Variants in PPFIA2 observed in about 807,000 individuals in gnomAD.
PPFIA2 encodes PPFI scaffold protein A2.
A neutral mutation model predicts 175.5 loss-of-function variants in PPFIA2; 46 were observed. The observed-to-expected ratio is 0.26, with a 90% confidence interval of 0.21 to 0.34. The LOEUF (loss-of-function observed/expected upper bound fraction) is 0.34, where lower values mean the gene tolerates loss of function less well. Among genes scored for constraint, PPFIA2 ranks in the 10% least tolerant of loss-of-function variants. The probability of loss-of-function intolerance (pLI) is 1.00; values close to 1 mark genes in which losing one functional copy is unlikely to be tolerated. For synonymous variants in PPFIA2, 568 were observed against 511.4 expected (o/e 1.11, Z -1.49); for missense variants, 1,179 against 1,506.1 (o/e 0.78, Z 3.60).
intron 4 of PPFIA2, among the ~76,000 whole-genome samples, chr12:81,520,000 GTC>G (rs1024877192): frequency 6.6e-6 from 1 of 152,140 alleles, no homozygotes; most frequent in Non-Finnish European, 1.5e-5. Context: ...TGTGGATGTG[GTC>G]TCTCTCTCAA....
Position 81,344,704 on chromosome 12 carries a change from C to T in PPFIA2, c.2233-11G>A, listed in dbSNP as rs751657859. ...CCTCAGATCACTTGGCTGTGATTGG[C>T]AGTAATAAAAACATAAAACACAATT... is the stretch of plus-strand genomic sequence containing the variant. On this transcript the variant is annotated splice_polypyrimidine_tract_variant and intron_variant, in intron 18 of 32. Transcript: ENST00000549396. 6.5e-7 allele frequency: 1 copy of T among 1,542,972 alleles called. No individual in the cohort carries two copies. Among genetic ancestry groups the T allele is most frequent in the Non-Finnish European group, 8.8e-7 (1 of 1,136,984 alleles).
intron 7 of PPFIA2, among the ~76,000 whole-genome samples, chr12:81,406,879 C>A (rs944488557): frequency 1.3e-5 from 2 of 151,962 alleles, no homozygotes; most frequent in African/African-American, 4.8e-5. Context: ...TGTCACAAGA[C>A]GAATAATCAT....
chr12:81,301,415 C>A lies in PPFIA2; in HGVS notation c.2643-2033G>T, dbSNP rs374248845. Among the ~76,000 whole-genome samples the A allele has an allele frequency of 2.2e-4, 33 of 152,168 alleles. No homozygotes were observed. In the East Asian group the frequency reaches 3.3e-3, roughly 15 times the overall value. On this transcript the variant is annotated intron_variant, in intron 22 of 32. Transcript: ENST00000549396. Reference sequence around the variant, plus strand: ...ATATGCACTAATAACCTAAGGAGCACGTAACATTTTCAGAAGTGTATTCTA... The same window carrying A: ...ATATGCACTAATAACCTAAGGAGCAAGTAACATTTTCAGAAGTGTATTCTA...
At chr12:81,705,280 C>T (rs1003145801) in intron 3 of PPFIA2, among the ~76,000 whole-genome samples, 4 of 149,288 alleles carry the variant, frequency 2.7e-5, no homozygotes, top group Non-Finnish European at 5.9e-5. Flanking sequence ...CGGTGAAACC[C>T]CATCTCTACT....
chr12:81,521,330 A>T (rs1010095974), intron 4 of PPFIA2, among the ~76,000 whole-genome samples: 2 of 152,112 alleles, frequency 1.3e-5, no homozygotes, highest in African/African-American at 4.8e-5. Context: ...CGTGAGTGAT[A>T]ACTTGACGTA....
At chr12:81,386,448 A>C (rs894063186) in intron 8 of PPFIA2, among the ~76,000 whole-genome samples, 2 of 151,298 alleles carry the variant, frequency 1.3e-5, no homozygotes, top group Non-Finnish European at 2.9e-5. Context: ...ACATGGGGAG[A>C]CTCCAACTCT....
At position 81,692,722 on chromosome 12, in the gene PPFIA2, T is replaced by C. The variant is rs528648466; in HGVS notation, c.250-15878A>G. Among the ~76,000 whole-genome samples, 3 of 152,226 alleles carry C rather than the reference T, an allele frequency of 2.0e-5. No individual in the cohort carries two copies. The South Asian group carries it at 6.2e-4, about 32-fold the overall frequency. The stretch of plus-strand genomic sequence containing the variant: ...TGATTGATGTTGACAACTATCAATA[T>C]GAATCATAAAATTGTACACATAACT... On this transcript the variant is annotated intron_variant, in intron 3 of 32. Transcript: ENST00000549396.
At chr12:81,720,813 T>A (rs1347788675) in intron 3 of PPFIA2, among the ~76,000 whole-genome samples, 1 of 151,412 alleles carries the variant, frequency 6.6e-6, no homozygotes, top group East Asian at 1.9e-4. Flanking sequence ...ATACACTTAA[T>A]AAATTTTTTT....
chr12:81,265,709 C>T (rs1272248000), intron 30 of PPFIA2, among the ~76,000 whole-genome samples: 1 of 152,166 alleles, frequency 6.6e-6, no homozygotes, highest in Non-Finnish European at 1.5e-5. Flanking sequence ...AGTCGCATCT[C>T]GTTTAATTGG....
chr12:81,360,877 AT>A (rs2029867862), intron 15 of PPFIA2, among the ~76,000 whole-genome samples: 1 of 151,618 alleles, frequency 6.6e-6, no homozygotes, highest in African/African-American at 2.4e-5. Flanking sequence ...TGCTTGTCTT[AT>A]TTTATCTGCA....
intron 11 of PPFIA2, among the ~76,000 whole-genome samples, chr12:81,373,745 G>C (rs2035730563): frequency 6.6e-6 from 1 of 151,938 alleles, no homozygotes; most frequent in Non-Finnish European, 1.5e-5. Context: ...CTACTTCATT[G>C]CTGCATCAAT....
intron 4 of PPFIA2, among the ~76,000 whole-genome samples, chr12:81,669,054 A>G (rs2070912334): frequency 6.6e-6 from 1 of 152,008 alleles, no homozygotes; most frequent in Non-Finnish European, 1.5e-5. Flanking sequence ...TTCTATTCCA[A>G]TGATGTTAAA....
intron 4 of PPFIA2, among the ~76,000 whole-genome samples, chr12:81,563,356 T>G (rs1328453862): frequency 2.6e-5 from 4 of 152,236 alleles, no homozygotes; most frequent in African/African-American, 7.2e-5. Flanking sequence ...TCTGTTCTAC[T>G]GTCTTAGATT....
intron 4 of PPFIA2, among the ~76,000 whole-genome samples, chr12:81,666,460 A>C (rs1287307730): frequency 2.6e-5 from 4 of 152,206 alleles, no homozygotes; most frequent in Non-Finnish European, 5.9e-5. Context: ...TGTCCTTTGT[A>C]GGGACACGGA....
At chr12:81,605,042 T>TG (rs1321952526) in intron 4 of PPFIA2, among the ~76,000 whole-genome samples, 38 of 151,936 alleles carry the variant, frequency 2.5e-4, no homozygotes, top group Admixed American at 5.3e-4. Context: ...TTGGTGTTAA[T>TG]CAATGTTCCA....
rs531908152 is a variant in PPFIA2 at position 81,610,753 on chromosome 12, C to G, written c.303+66038G>C. ...TCAGTCATTTCAGACTGGCTAAGAA[C>G]CATTGCTGAGGAGCTAGTGGACTTG... On this transcript the variant is annotated intron_variant, in intron 4 of 32. Transcript: ENST00000549396. 5.3e-5 allele frequency among the ~76,000 whole-genome samples: 8 copies of G among 152,260 alleles called. No homozygotes were observed. The South Asian group carries it at 1.2e-3, about 24-fold the overall frequency.
intron 22 of PPFIA2, 71 bp from the exon 23 acceptor site, chr12:81,299,453 T>C: frequency 6.7e-7 from 1 of 1,497,286 alleles, no homozygotes. Flanking sequence ...TTAATGATAA[T>C]ATTTTAAAAT....
chr12:81,298,839 C>T (rs984433052), intron 23 of PPFIA2, among the ~76,000 whole-genome samples: 2 of 152,160 alleles, frequency 1.3e-5, no homozygotes, highest in Non-Finnish European at 2.9e-5. Context: ...CTAAACCTAG[C>T]TGGTCCATAG....
At chr12:81,364,889 T>A (rs979985636) in intron 14 of PPFIA2, among the ~76,000 whole-genome samples, 1 of 151,808 alleles carries the variant, frequency 6.6e-6, no homozygotes, top group African/African-American at 2.4e-5. Context: ...ATTGTAATTA[T>A]GATTGACTGA....
Sources: gnomAD v4.1 joint callset for allele counts (sites outside exome capture counted in the v4.1 genomes callset) on GRCh38, gnomAD v4.1.1 for gene constraint, MANE v1.5 for transcripts, NCBI Gene and HGNC (gene_info 2026-07-23, HGNC 2026-07-21) for gene names.